The following LRTM1 variants were observed in gnomAD, a reference collection of about 807,000 sequenced individuals.
The protein encoded by LRTM1 is leucine-rich repeat and transmembrane domain-containing protein 1.
In LRTM1, 38 loss-of-function variants were observed where a neutral mutation model predicts 32.4. That is an observed-to-expected ratio of 1.17 (90% CI 0.91 to 1.54). The LOEUF (loss-of-function observed/expected upper bound fraction) is 1.54, where lower values mean the gene tolerates loss of function less well. LRTM1 is among the 40% of genes most tolerant of loss of function. The pLI, the probability that LRTM1 is intolerant of heterozygous loss-of-function variation, is 0.00. For synonymous variants in LRTM1, 186 were observed against 169.9 expected (o/e 1.09, Z -0.74); for missense variants, 466 against 415.4 (o/e 1.12, Z -1.06).
At chr3:54,922,585 G>A (rs757995327) in intron 2 of LRTM1, among the ~76,000 whole-genome samples, 1 of 152,058 alleles carries the variant, frequency 6.6e-6, no homozygotes, top group Non-Finnish European at 1.5e-5. Context: ...AATATCGTAC[G>A]TTTTAACCCA....
intron 2 of LRTM1, among the ~76,000 whole-genome samples, chr3:54,920,847 A>C (rs1700825418): frequency 6.6e-6 from 1 of 152,176 alleles, no homozygotes; most frequent in Non-Finnish European, 1.5e-5. Context: ...CCCCAGACTT[A>C]AGAACTGTGT....
rs1474739377 is a variant in LRTM1, at chr3:54,925,197, G to T, written c.26C>A (p.Ser9Tyr). 2.5e-6 allele frequency: 4 copies of T among 1,611,964 alleles called. No homozygotes were observed. Among genetic ancestry groups the T allele is most frequent in the Non-Finnish European group, 3.4e-6 (4 of 1,178,398 alleles). The change falls in exon 2 of 3, where the codon TCC becomes TAC. Residue 9 changes from serine to tyrosine, a missense_variant. Transcript: ENST00000273286. ...CACCTGGAGCAGGACAATCACACTGGAAAACAGGAGCAGTTCACCTACAAC... is the reference window on the plus strand; with the variant it reads ...CACCTGGAGCAGGACAATCACACTGTAAAACAGGAGCAGTTCACCTACAAC... MKGELLLF[S>Y]SVIVLLQVVC...
intron 1 of LRTM1, among the ~76,000 whole-genome samples, chr3:54,951,301 G>T (rs1422057082): frequency 2.0e-5 from 3 of 152,204 alleles, no homozygotes; most frequent in Admixed American, 6.5e-5. Context: ...TAATAGCCAA[G>T]CCGCAGACAA....
At chr3:54,943,630 T>TCTACTCATCTTAAATTTTCCCCC (rs1701534119) in intron 1 of LRTM1, among the ~76,000 whole-genome samples, 1 of 152,202 alleles carries the variant, frequency 6.6e-6, no homozygotes, top group African/African-American at 2.4e-5. Flanking sequence ...TGGTTTTCCT[T>TCTACTCATCTTAAATTTTCCCCC]CTACTCATCT....
At chr3:54,946,707 T>C (rs776377264) in intron 1 of LRTM1, among the ~76,000 whole-genome samples, 3 of 152,052 alleles carry the variant, frequency 2.0e-5, no homozygotes, top group Non-Finnish European at 4.4e-5. Context: ...AGCATGTTGC[T>C]TTGCTCACTT....
chr3:54,942,699 G>A (rs774978300), intron 1 of LRTM1, among the ~76,000 whole-genome samples: 1 of 151,924 alleles, frequency 6.6e-6, no homozygotes, highest in Non-Finnish European at 1.5e-5. Flanking sequence ...GACCAGCCTG[G>A]GCAACATAGC....
chr3:54,931,262 GT>G (rs1337393642), upstream of LRTM1, among the ~76,000 whole-genome samples: 2 of 152,124 alleles, frequency 1.3e-5, no homozygotes, highest in African/African-American at 4.8e-5. Flanking sequence ...TGCCCAAGGG[GT>G]TTTTTTGGTT....
intron 2 of LRTM1, among the ~76,000 whole-genome samples, chr3:54,920,552 C>G (rs1700814379): frequency 1.3e-5 from 2 of 152,182 alleles, no homozygotes; most frequent in Non-Finnish European, 2.9e-5. Flanking sequence ...TTCAGAGCAG[C>G]TGCTCCAGAT....
At chr3:54,960,809 C>A (rs989541121) in intron 1 of LRTM1, among the ~76,000 whole-genome samples, 5 of 152,288 alleles carry the variant, frequency 3.3e-5, no homozygotes, top group Non-Finnish European at 7.3e-5. Context: ...AACATCTTCA[C>A]ATGAAATATT....
In LRTM1 at chr3:54,918,625, A is replaced by T. The variant is rs1371097857; in HGVS notation, c.872T>A (p.Ile291Asn). Residue 291 changes from isoleucine to asparagine, a missense_variant, in exon 3 of 3, where the codon ATC becomes AAC. Transcript: ENST00000273286. ...NLRHAIATVIITGVVCGIVCL... is the reference protein window; with the variant it reads ...NLRHAIATVINTGVVCGIVCL... The stretch of plus-strand genomic sequence containing the variant: ...CACAATCCCACACACAACGCCAGTG[A>T]TGATGACAGTGGCAATGGCATGACG... 1.2e-6 allele frequency: 2 copies of T among 1,614,080 alleles called. No individual in the cohort carries two copies. Among genetic ancestry groups the T allele is most frequent in the Non-Finnish European group, 1.7e-6 (2 of 1,180,048 alleles).
chr3:54,962,594 C>CT (rs1702056516), intron 1 of LRTM1, among the ~76,000 whole-genome samples: 1 of 152,184 alleles, frequency 6.6e-6, no homozygotes. Flanking sequence ...CGGTGCAACT[C>CT]TATTGGTGGA....
At chr3:54,931,294 C>T (rs1010132705), upstream of LRTM1, among the ~76,000 whole-genome samples, 2 of 152,114 alleles carry the variant, frequency 1.3e-5, no homozygotes, top group Non-Finnish European at 2.9e-5. Context: ...CATGCTGACC[C>T]CAATTGGGGG....
intron 1 of LRTM1, among the ~76,000 whole-genome samples, chr3:54,959,517 CTAT>C (rs34279966): frequency 0.4 from 60,982 of 151,676 alleles, 13,276 homozygotes; most frequent in East Asian, 0.56. Flanking sequence ...TGTGGCTGTT[CTAT>C]TATTATTGGT....
At position 54,927,789 on chromosome 3, in the gene LRTM1, G is replaced by T. The variant is rs569637494; in HGVS notation, c.7+116C>A. 2.7e-6 allele frequency: 3 copies of T among 1,093,280 alleles called. No homozygotes were observed. The East Asian group carries it at 7.1e-5, about 26-fold the overall frequency. 67.7% of individuals were successfully genotyped at this position (1,093,280 alleles called of 1,614,324 possible). On this transcript the variant is annotated intron_variant, in intron 1 of 2. Transcript: ENST00000273286. ...CCATGCAGAGACATTTTTCATATCT[G>T]TCCAGTCTTTTAAGACAGACGACTT... is the stretch of plus-strand genomic sequence containing the variant.
At position 54,942,391 on chromosome 3, in the gene LRTM1, G is replaced by C. The variant is rs575316476; in HGVS notation, c.-221-17176C>G. Among the ~76,000 whole-genome samples the C allele has an allele frequency of 8.5e-5, 13 of 152,296 alleles. No individual in the cohort carries two copies. In the East Asian group the frequency reaches 2.1e-3, roughly 25 times the overall value. ...GTGGCAGCAGCCTCCACGAGAGCAT[G>C]CACACCTTCTGATTTGGGCACAGGG... On this transcript the variant is annotated intron_variant, in intron 1 of 2. Transcript: ENST00000493075.
intron 2 of LRTM1, among the ~76,000 whole-genome samples, chr3:54,920,995 G>T (rs898900942): frequency 7.2e-5 from 11 of 152,120 alleles, no homozygotes; most frequent in African/African-American, 2.7e-4. Context: ...ATGCTCTGTG[G>T]TCTCCTGTGC....
Position 54,918,353 on chromosome 3 carries a change from T to A in LRTM1, c.*106A>T. 3 of 364,066 alleles carry A rather than the reference T, an allele frequency of 8.2e-6. No individual in the cohort carries two copies. Among genetic ancestry groups the A allele is most frequent in the East Asian group, 5.6e-5 (1 of 17,968 alleles). The allele number at this position is 364,066 out of a possible 1,614,324, so 22.6% of individuals were successfully genotyped here. On this transcript the variant is annotated 3_prime_UTR_variant, in exon 3 of 3. Coordinates refer to ENST00000273286, the MANE Select transcript of LRTM1 (RefSeq NM_020678.4). ...TTTTCTTTTTTTTTTTTTTTTTTTT[T>A]TTGTCTTTTGGCAAAAGCAAAATCA...
chr3:54,926,450 C>T (rs1341477077), intron 1 of LRTM1, among the ~76,000 whole-genome samples: 2 of 150,930 alleles, frequency 1.3e-5, no homozygotes. Flanking sequence ...CTCCACTTTT[C>T]CTCCCTCCAG....
chr3:54,940,677 G>A (rs72877934), intron 1 of LRTM1, among the ~76,000 whole-genome samples: 27,084 of 152,160 alleles, frequency 0.18, 3,204 homozygotes, highest in African/African-American at 0.34. Context: ...CCAAAAAGAA[G>A]CAAACAATAA....
Sources: allele counts gnomAD v4.1 joint callset (sites outside exome capture counted in the v4.1 genomes callset), GRCh38; gene constraint gnomAD v4.1.1; transcripts MANE v1.5; gene names NCBI Gene and HGNC (gene_info 2026-07-23, HGNC 2026-07-21).